The following ACTN1 variants were observed in gnomAD, a reference collection of about 807,000 sequenced individuals.
ACTN1 encodes the protein alpha-actinin-1.
In ACTN1, 30 loss-of-function variants were observed where a neutral mutation model predicts 119.6. The ratio of observed to expected loss-of-function variants is 0.25; its 90% CI spans 0.19 to 0.34. ACTN1 has a LOEUF of 0.34. Ranked by LOEUF, ACTN1 falls within the 10% of genes least tolerant of loss-of-function variation. The pLI, the probability that ACTN1 is intolerant of heterozygous loss-of-function variation, is 1.00. For missense variants in ACTN1, 764 were observed against 1,223.4 expected (o/e 0.62, Z 5.60); for synonymous variants, 429 against 472.6 (o/e 0.91, Z 1.20).
intron 1 of ACTN1, among the ~76,000 whole-genome samples, chr14:68,932,865 C>A (rs574946295): frequency 8.5e-5 from 13 of 152,232 alleles, no homozygotes; most frequent in African/African-American, 2.9e-4. Context: ...CAACCCCAAG[C>A]TATGACAAGC....
At chr14:68,876,084 C>T (rs1264566255) in intron 21 of ACTN1, among the ~76,000 whole-genome samples, 1 of 152,162 alleles carries the variant, frequency 6.6e-6, no homozygotes, top group Non-Finnish European at 1.5e-5. Context: ...GCAACCTCCA[C>T]CTCTCAGGTT....
rs147576292 is a variant in ACTN1 at position 68,876,669 on chromosome 14, T to C, written c.2586+413A>G. 4.0e-4 allele frequency among the ~76,000 whole-genome samples: 61 copies of C among 152,278 alleles called. No individual in the cohort carries two copies. The East Asian group carries it at 0.01, about 26-fold the overall frequency. On this transcript the variant is annotated intron_variant, in intron 21 of 21. Transcript: ENST00000394419. ...CTCAGGGTAGAAAACACGAGAGACA[T>C]GCTTCCTTCCTGGGTCCCACAGTCC...
chr14:68,935,543 G>A (rs920861740), intron 1 of ACTN1, among the ~76,000 whole-genome samples: 105 of 151,624 alleles, frequency 6.9e-4, no homozygotes, highest in Admixed American at 5.9e-3. Flanking sequence ...GTGCCACCAC[G>A]CCCGGCTAAG....
chr14:68,891,195 T>TA (rs2140152172), intron 10 of ACTN1, among the ~76,000 whole-genome samples: 2 of 97,412 alleles, frequency 2.1e-5, no homozygotes, highest in East Asian at 1.7e-3. Flanking sequence ...ACACTCCTGT[T>TA]ACTTTTCACT....
At chr14:68,898,836 G>T (rs1422545377) in intron 8 of ACTN1, among the ~76,000 whole-genome samples, 2 of 151,842 alleles carry the variant, frequency 1.3e-5, no homozygotes, top group African/African-American at 2.4e-5. Flanking sequence ...GGGGCATGGG[G>T]AGGTGGCATG....
intron 1 of ACTN1, among the ~76,000 whole-genome samples, chr14:68,954,909 G>A (rs1269760212): frequency 6.6e-6 from 1 of 151,904 alleles, no homozygotes; most frequent in East Asian, 1.9e-4. Flanking sequence ...GCCTTCTCTG[G>A]GCCTCCAGAT....
chr14:68,875,041 A>G, intron 21 of ACTN1, 24 bp from the exon 22 acceptor site: 5 of 1,610,360 alleles, frequency 3.1e-6, no homozygotes, highest in Middle Eastern at 1.7e-4. Context: ...GTGGTCAGGA[A>G]GGCCGCAAAG....
rs950850787 is a variant in ACTN1, at chr14:68,880,761, C to G, written c.2133+49G>C. 1.3e-6 allele frequency: 2 copies of G among 1,590,536 alleles called. No individual in the cohort carries two copies. Among genetic ancestry groups the G allele is most frequent in the Non-Finnish European group, 1.7e-6 (2 of 1,163,172 alleles). On this transcript the variant is annotated intron_variant, in intron 17 of 21. Coordinates refer to ENST00000394419, the MANE Select transcript of ACTN1 (RefSeq NM_001130004.2). This position sits in a 1 kb window ranked among gnomAD's most constrained non-coding sequence, Gnocchi z 4.6. ...AGACTTCCCCACCCAGGAGAAAGAG[C>G]AGAAGGGGCCACGGGCTCCCGAAGA... is the stretch of plus-strand genomic sequence containing the variant.
intron 16 of ACTN1, among the ~76,000 whole-genome samples, chr14:68,881,955 T>TTTTTTTTTTTA (rs58500225): frequency 9.7e-6 from 1 of 103,000 alleles, no homozygotes; most frequent in Non-Finnish European, 1.8e-5. Flanking sequence ...TTTTTTTTTT[T>TTTTTTTTTTTA]GACAGAGTCT....
chr14:68,942,349 C>G (rs2035789191), intron 1 of ACTN1, among the ~76,000 whole-genome samples: 1 of 150,410 alleles, frequency 6.6e-6, no homozygotes, highest in Non-Finnish European at 1.5e-5. Flanking sequence ...CCACTGCATT[C>G]CAACCTGGGA....
chr14:68,960,543 A>G (rs181407924), intron 1 of ACTN1, among the ~76,000 whole-genome samples: 1 of 152,192 alleles, frequency 6.6e-6, no homozygotes, highest in Admixed American at 6.5e-5. Flanking sequence ...TTAAAAACTA[A>G]CCTCTTTTAA....
chr14:68,910,877 G>A (rs2033968923), intron 4 of ACTN1, among the ~76,000 whole-genome samples: 1 of 152,220 alleles, frequency 6.6e-6, no homozygotes, highest in East Asian at 1.9e-4. Flanking sequence ...CTGCTGCCAT[G>A]TAAGAGGTCC....
chr14:68,951,848 C>T (rs181755374), intron 1 of ACTN1, among the ~76,000 whole-genome samples: 3 of 152,312 alleles, frequency 2.0e-5, no homozygotes, highest in Non-Finnish European at 2.9e-5. Context: ...TTCATTCGTT[C>T]GTTCATTCAT....
In ACTN1 at chr14:68,885,523, C is replaced by T. The variant is rs2031924139; in HGVS notation, c.1287G>A (p.Glu429=). The T allele has an allele frequency of 6.2e-7, 1 of 1,614,122 alleles. No individual in the cohort carries two copies. The highest frequency in any genetic ancestry group is 8.5e-7 in the Non-Finnish European group (1 of 1,180,032). Residue 429 remains glutamate, a synonymous_variant, in exon 12 of 22, where the codon GAG becomes GAA. Transcript: ENST00000394419. The surrounding 1 kb of genome is among the most constrained non-coding windows in gnomAD (Gnocchi z 5.6). ...QKDYETATLS[E]IKALLKKHEA... ...CATGCTTCTTGAGCAGGGCCTTGAT[C>T]TCCGAGAGGGTGGCGGTCTCATAGT...
chr14:68,924,081 A>T (rs559418856), intron 2 of ACTN1, among the ~76,000 whole-genome samples: 29 of 152,366 alleles, frequency 1.9e-4, no homozygotes, highest in African/African-American at 7.0e-4. Flanking sequence ...AATCAGAGAC[A>T]AAAAGTAGAA....
At chr14:68,905,682 T>C (rs1461850839) in intron 6 of ACTN1, among the ~76,000 whole-genome samples, 1 of 152,046 alleles carries the variant, frequency 6.6e-6, no homozygotes, top group African/African-American at 2.4e-5. Flanking sequence ...TTATGCTCAG[T>C]GAAATAAGCC....
Position 68,879,889 on chromosome 14 carries a change from G to A in ACTN1, c.2280+73C>T, listed in dbSNP as rs1354722317. On this transcript the variant is annotated intron_variant, in intron 18 of 21. Coordinates refer to ENST00000394419, the MANE Select transcript of ACTN1 (RefSeq NM_001130004.2). This position sits in a 1 kb window ranked among gnomAD's most constrained non-coding sequence, Gnocchi z 4.9. ...TCACTTGCATGGCAGCCCACGTCCC[G>A]GGGAAGTGCCCTCCAGGGCCCTGGG... The A allele has an allele frequency of 2.6e-5, 40 of 1,560,758 alleles. No individual in the cohort carries two copies. Among genetic ancestry groups the A allele is most frequent in the South Asian group, 1.9e-4 (16 of 85,384 alleles).
rs527972638 is a variant in ACTN1, at chr14:68,878,590, G to A, written c.2362-67C>T. The A allele has an allele frequency of 1.2e-4, 197 of 1,603,682 alleles. No individual in the cohort carries two copies. Among genetic ancestry groups the A allele is most frequent in the Admixed American group, 3.6e-4 (21 of 58,168 alleles). ...AGGCAGGAAGAGGAAGGGCCGGCCC[G>A]GGGCCAGGAAGACAGGAACAGATGG... On this transcript the variant is annotated intron_variant, in intron 19 of 21. Transcript: ENST00000394419. This position sits in a 1 kb window ranked among gnomAD's most constrained non-coding sequence, Gnocchi z 4.4.
chr14:68,954,772 G>C (rs547779191), intron 1 of ACTN1, among the ~76,000 whole-genome samples: 2 of 152,278 alleles, frequency 1.3e-5, no homozygotes, highest in Admixed American at 6.5e-5. Context: ...TAACCTGAAG[G>C]CTGTGCCAAT....
Sources: gnomAD v4.1 joint callset for allele counts (sites outside exome capture counted in the v4.1 genomes callset) on GRCh38, gnomAD v4.1.1 for gene constraint, Gnocchi (gnomAD v3.1) non-coding constraint, MANE v1.5 for transcripts, NCBI Gene and HGNC (gene_info 2026-07-23, HGNC 2026-07-21) for gene names.